Variants in CNTN4 observed in about 807,000 individuals in gnomAD.
CNTN4 encodes contactin 4.
In CNTN4, 77 loss-of-function variants were observed where a neutral mutation model predicts 122.5. The ratio of observed to expected loss-of-function variants is 0.63; its 90% CI spans 0.52 to 0.76. CNTN4 has a LOEUF of 0.76. Ranked by LOEUF, CNTN4 falls within the 30% of genes least tolerant of loss-of-function variation. The pLI, the probability that CNTN4 is intolerant of heterozygous loss-of-function variation, is 0.00. For synonymous variants in CNTN4, 512 were observed against 447.0 expected (o/e 1.15, Z -1.83); for missense variants, 1,256 against 1,259.1 (o/e 1.00, Z 0.04).
At chr3:2,467,308 T>A (rs2075538874) in intron 3 of CNTN4, among the ~76,000 whole-genome samples, 1 of 152,184 alleles carries the variant, frequency 6.6e-6, no homozygotes, top group South Asian at 2.1e-4. Context: ...TTCTATAGTT[T>A]GGCCTCTCAG....
At chr3:2,751,483 T>C (rs558744483) in intron 6 of CNTN4, among the ~76,000 whole-genome samples, 2 of 152,244 alleles carry the variant, frequency 1.3e-5, no homozygotes, top group Non-Finnish European at 1.5e-5. Flanking sequence ...CCAACCTTCA[T>C]TCACTCTACA....
chr3:2,993,488 A>G, intron 14 of CNTN4, among the ~76,000 whole-genome samples: 1 of 151,738 alleles, frequency 6.6e-6, no homozygotes, highest in Admixed American at 6.6e-5. Flanking sequence ...TAGTAGAGAC[A>G]GGGTTTCACC....
chr3:2,309,891 A>G (rs2042851981), intron 2 of CNTN4, among the ~76,000 whole-genome samples: 1 of 152,186 alleles, frequency 6.6e-6, no homozygotes, highest in African/African-American at 2.4e-5. Flanking sequence ...GCTTTCATAT[A>G]TGTTGTTTAC....
At chr3:2,240,037 T>C (rs901336242) in intron 2 of CNTN4, among the ~76,000 whole-genome samples, 2 of 152,212 alleles carry the variant, frequency 1.3e-5, no homozygotes, top group Non-Finnish European at 2.9e-5. Flanking sequence ...TTAGTGGTTT[T>C]CCTTTCTGGA....
At chr3:2,788,776 C>T (rs1235944036) in intron 6 of CNTN4, among the ~76,000 whole-genome samples, 1 of 152,158 alleles carries the variant, frequency 6.6e-6, no homozygotes, top group Non-Finnish European at 1.5e-5. Context: ...TACCCAATCC[C>T]CCTAGCCAGC....
intron 3 of CNTN4, among the ~76,000 whole-genome samples, chr3:2,402,717 C>T (rs2046901608): frequency 6.6e-6 from 1 of 152,018 alleles, no homozygotes; most frequent in Non-Finnish European, 1.5e-5. Flanking sequence ...TTTATCTAAG[C>T]CTCTCAATGT....
chr3:2,556,124 A>G (rs2078710857), intron 3 of CNTN4, among the ~76,000 whole-genome samples: 1 of 152,130 alleles, frequency 6.6e-6, no homozygotes, highest in African/African-American at 2.4e-5. Flanking sequence ...ATAATTTTAG[A>G]CTTTTTTTAA....
In CNTN4 at chr3:2,161,703, C is replaced by T. The variant is rs73806360; in HGVS notation, c.-145+61064C>T. Among the ~76,000 whole-genome samples, 1,257 of 152,138 alleles carry T rather than the reference C, an allele frequency of 8.3e-3. 15 individuals carry two copies. Among genetic ancestry groups the T allele is most frequent in the African/African-American group, 0.029 (1,191 of 41,486 alleles). On this transcript the variant is annotated intron_variant, in intron 2 of 24. Transcript: ENST00000418658. ...AGAGGTGAAAAGAGAACGCTAAGTA[C>T]GATGAGGACAGAAGACATACTTTAA... is the stretch of plus-strand genomic sequence containing the variant.
chr3:2,836,908 A>ATAATAAAAAACTT (rs2093239015), intron 7 of CNTN4, among the ~76,000 whole-genome samples: 1 of 152,140 alleles, frequency 6.6e-6, no homozygotes. Context: ...CAAAACTTAA[A>ATAATAAAAAACTT]GTATAATAAT....
chr3:2,196,054 G>A (rs2037818136), intron 2 of CNTN4, among the ~76,000 whole-genome samples: 1 of 152,130 alleles, frequency 6.6e-6, no homozygotes, highest in African/African-American at 2.4e-5. Flanking sequence ...AACTTCTGCA[G>A]GTCCTATAAC....
At chr3:2,911,321 G>A (rs1394842230) in intron 12 of CNTN4, among the ~76,000 whole-genome samples, 1 of 152,132 alleles carries the variant, frequency 6.6e-6, no homozygotes, top group Non-Finnish European at 1.5e-5. Flanking sequence ...ACCTGATAAA[G>A]ACACCAAGGG....
chr3:2,796,204 T>C (rs2092175807), intron 6 of CNTN4, among the ~76,000 whole-genome samples: 1 of 152,174 alleles, frequency 6.6e-6, no homozygotes, highest in Admixed American at 6.5e-5. Flanking sequence ...CACTATAACT[T>C]ATACCAACTG....
At chr3:2,366,381 C>T (rs917260941) in intron 3 of CNTN4, among the ~76,000 whole-genome samples, 2 of 152,126 alleles carry the variant, frequency 1.3e-5, no homozygotes, top group Admixed American at 1.3e-4. Flanking sequence ...TGATTAAAAA[C>T]TTATGCCCAT....
chr3:2,565,545 C>G (rs1056982404), intron 3 of CNTN4, among the ~76,000 whole-genome samples: 2 of 152,138 alleles, frequency 1.3e-5, no homozygotes, highest in Non-Finnish European at 2.9e-5. Context: ...ACTCATTTGA[C>G]ATATAAACTA....
At chr3:2,626,543 A>T (rs1412348558) in intron 4 of CNTN4, among the ~76,000 whole-genome samples, 2 of 152,018 alleles carry the variant, frequency 1.3e-5, no homozygotes, top group Admixed American at 6.6e-5. Flanking sequence ...TCTATTTTTC[A>T]TATGGGTAAA....
intron 20 of CNTN4, 109 bp downstream of exon 20, chr3:3,040,380 T>C (rs944577428): frequency 6.0e-6 from 5 of 835,398 alleles, no homozygotes; most frequent in African/African-American, 1.7e-5. Context: ...CTTGAAGGCA[T>C]ACCTGATTTG....
At chr3:2,166,087 C>T (rs369080117) in intron 2 of CNTN4, among the ~76,000 whole-genome samples, 1 of 152,168 alleles carries the variant, frequency 6.6e-6, no homozygotes. Flanking sequence ...ATTGCTGGGT[C>T]ATATGACTGT....
At chr3:2,750,592 A>T (rs771111590) in intron 6 of CNTN4, among the ~76,000 whole-genome samples, 1 of 152,170 alleles carries the variant, frequency 6.6e-6, no homozygotes, top group Non-Finnish European at 1.5e-5. Flanking sequence ...ATAAGCATAC[A>T]TTATTGTAAT....
intron 13 of CNTN4, among the ~76,000 whole-genome samples, chr3:2,932,705 G>C (rs971955673): frequency 6.6e-6 from 1 of 152,106 alleles, no homozygotes; most frequent in Non-Finnish European, 1.5e-5. Flanking sequence ...TCTTCCAAAA[G>C]GGGGTTTGAG....
Sources: allele counts gnomAD v4.1 joint callset (sites outside exome capture counted in the v4.1 genomes callset), GRCh38; gene constraint gnomAD v4.1.1; transcripts MANE v1.5; gene names NCBI Gene and HGNC (gene_info 2026-07-23, HGNC 2026-07-21).